Variants in METTL21A observed in about 807,000 individuals in gnomAD.
METTL21A encodes methyltransferase 21A, HSPA lysine.
In METTL21A, 22 loss-of-function variants were observed where a neutral mutation model predicts 20.9. The observed-to-expected ratio is 1.05, with a 90% CI of 0.75 to 1.50. The LOEUF is 1.50. Among genes scored for constraint, METTL21A ranks in the 40% most tolerant of loss-of-function variants. The probability of loss-of-function intolerance (pLI) is 0.00; values close to 1 mark genes in which losing one functional copy is unlikely to be tolerated. For missense variants in METTL21A, 271 were observed against 266.8 expected, an observed-to-expected ratio of 1.02 and a Z score of -0.11; for synonymous variants, 93 against 102.0, an observed-to-expected ratio of 0.91 and a Z score of 0.53.
downstream of METTL21A, chr2:207,581,461 T>A (rs2082947700): frequency 5.0e-6 from 1 of 201,772 alleles, no homozygotes; most frequent in African/African-American, 2.3e-5. Context: ...AATTTATTAT[T>A]ACACAAGTAA....
At chr2:207,580,684 T>G, downstream of METTL21A, 1 of 221,628 alleles carries the variant, frequency 4.5e-6, no homozygotes, top group Non-Finnish European at 9.0e-6. Context: ...GTGGTAAACA[T>G]TCTAAAAGAA....
intron 3 of METTL21A, among the ~76,000 whole-genome samples, chr2:207,592,025 T>C (rs1434402926): frequency 2.0e-5 from 3 of 152,228 alleles, no homozygotes; most frequent in Non-Finnish European, 4.4e-5. Context: ...TCTTAGAAAA[T>C]AGATCTTCTG....
intron 3 of METTL21A, among the ~76,000 whole-genome samples, chr2:207,615,478 A>T (rs758874594): frequency 2.6e-5 from 4 of 152,142 alleles, no homozygotes; most frequent in Non-Finnish European, 5.9e-5. Context: ...CAGGTGGATC[A>T]TAAGGTCAAG....
At chr2:207,620,172 G>A (rs987875974) in intron 3 of METTL21A, among the ~76,000 whole-genome samples, 9 of 152,116 alleles carry the variant, frequency 5.9e-5, no homozygotes, top group South Asian at 2.1e-4. Context: ...GGCCAGGCAC[G>A]GTGGCTCACT....
downstream of METTL21A, chr2:207,581,559 G>A: frequency 4.1e-6 from 1 of 245,328 alleles, no homozygotes. Flanking sequence ...ACATTCTAAA[G>A]TCAGTTTTTT....
chr2:207,581,755 C>G, exon 4 of METTL21A: 2 of 668,422 alleles, frequency 3.0e-6, no homozygotes, highest in Non-Finnish European at 5.4e-6. Context: ...ATACCATTAA[C>G]TGAATTATAC....
chr2:207,619,706 CT>C (rs1469269378), intron 3 of METTL21A, among the ~76,000 whole-genome samples: 3 of 152,110 alleles, frequency 2.0e-5, no homozygotes, highest in African/African-American at 7.2e-5. Flanking sequence ...AATGGTAACT[CT>C]GGTGGTATCT....
In METTL21A at chr2:207,593,261, C is replaced by T. The variant is rs1342991081; in HGVS notation, c.260-11101G>A. On this transcript the variant is annotated intron_variant, in intron 3 of 3. Coordinates refer to the METTL21A transcript ENST00000425132. ...TGTATCAAGGCTGGGTGCGGTGGCTCATGCCTGTAATCCCAGCACTTTGGG... is the reference window on the plus strand; with the variant it reads ...TGTATCAAGGCTGGGTGCGGTGGCTTATGCCTGTAATCCCAGCACTTTGGG... Among the ~76,000 whole-genome samples, 3 of 152,168 alleles carry T rather than the reference C, an allele frequency of 2.0e-5. No individual in the cohort carries two copies. In the East Asian group the frequency reaches 5.8e-4, roughly 29 times the overall value.
chr2:207,597,738 C>G (rs1437611750), intron 3 of METTL21A: 1 of 204,280 alleles, frequency 4.9e-6, no homozygotes, highest in Non-Finnish European at 1.0e-5. Flanking sequence ...CTTCTTAATT[C>G]AGTTCTGTAT....
intron 3 of METTL21A, among the ~76,000 whole-genome samples, chr2:207,596,550 C>T (rs2106636796): frequency 1.3e-5 from 2 of 152,328 alleles, no homozygotes; most frequent in Middle Eastern, 6.8e-3. Context: ...GCCCATGGCT[C>T]AGCCTTCCAA....
intron 3 of METTL21A, among the ~76,000 whole-genome samples, chr2:207,616,103 G>A (rs1332478920): frequency 1.3e-5 from 2 of 151,166 alleles, no homozygotes; most frequent in East Asian, 2.0e-4. Flanking sequence ...CCTATTTTTG[G>A]TATTTTGTCA....
intron 2 of METTL21A, 152 bp downstream of exon 2, chr2:207,624,077 A>AT: frequency 1.1e-6 from 1 of 952,042 alleles, no homozygotes; most frequent in Non-Finnish European, 1.5e-6. Flanking sequence ...AATATACTGT[A>AT]TTTTTAAAAC....
chr2:207,588,570 TTTAG>T (rs1262352150), intron 3 of METTL21A, among the ~76,000 whole-genome samples: 3 of 152,188 alleles, frequency 2.0e-5, no homozygotes, highest in Admixed American at 6.5e-5. Context: ...GTGCTAGAAT[TTTAG>T]TTAGGATTGT....
At chr2:207,625,019 C>G (rs1302443950) in intron 1 of METTL21A, 43 bp downstream of exon 1, 1 of 152,310 alleles carries the variant, frequency 6.6e-6, no homozygotes, top group African/African-American at 2.4e-5. Flanking sequence ...AGCGGGGACT[C>G]GGAGGCCTCC....
At chr2:207,586,872 A>G (rs1296649011) in intron 3 of METTL21A, among the ~76,000 whole-genome samples, 1 of 152,254 alleles carries the variant, frequency 6.6e-6, no homozygotes, top group African/African-American at 2.4e-5. Context: ...ATTATCAAAA[A>G]GACAAGAAGT....
chr2:207,616,193 A>AG (rs1307339438), intron 3 of METTL21A, among the ~76,000 whole-genome samples: 1 of 152,158 alleles, frequency 6.6e-6, no homozygotes, highest in East Asian at 1.9e-4. Context: ...TAAAAAAAAA[A>AG]AAATGCAGAC....
intron 3 of METTL21A, among the ~76,000 whole-genome samples, chr2:207,592,890 C>T (rs186539919): frequency 7.6e-5 from 11 of 145,170 alleles, no homozygotes; most frequent in Admixed American, 2.1e-4. Context: ...TCCAGCCTGG[C>T]GACAGAGCAA....
chr2:207,614,081 G>A (rs1046210974), intron 3 of METTL21A, among the ~76,000 whole-genome samples: 8 of 151,994 alleles, frequency 5.3e-5, no homozygotes, highest in Non-Finnish European at 7.4e-5. Context: ...GTTGGCCGCA[G>A]GCTAAAATGG....
At chr2:207,581,882 CTT>C (rs2083006517) in exon 4 of METTL21A, 2 of 702,764 alleles carry the variant, frequency 2.8e-6, no homozygotes. Flanking sequence ...GGCCTTGTAA[CTT>C]TTGAAGAGTA....
Sources: allele counts gnomAD v4.1 joint callset (sites outside exome capture counted in the v4.1 genomes callset), GRCh38; gene constraint gnomAD v4.1.1; transcripts MANE v1.5; gene names NCBI Gene and HGNC (gene_info 2026-07-23, HGNC 2026-07-21).